Variants in KIF26B observed in about 807,000 individuals in gnomAD.
KIF26B encodes the protein kinesin-like protein KIF26B.
A neutral mutation model predicts 151.2 loss-of-function variants in KIF26B; 63 were observed. That is an observed-to-expected ratio of 0.42 (90% CI 0.34 to 0.51). KIF26B has a LOEUF of 0.51. Ranked by LOEUF, KIF26B falls within the 20% of genes least tolerant of loss-of-function variation. The pLI is 0.07. For missense variants in KIF26B, 2,813 were observed against 2,913.6 expected, an observed-to-expected ratio of 0.97 and a Z score of 0.79; for synonymous variants, 1,357 against 1,262.1, an observed-to-expected ratio of 1.08 and a Z score of -1.59.
chr1:245,248,647 G>A (rs1214189095), intron 2 of KIF26B, among the ~76,000 whole-genome samples: 19 of 152,180 alleles, frequency 1.2e-4, no homozygotes, highest in Admixed American at 8.5e-4. Flanking sequence ...ACACTTTGTC[G>A]CTTTTATGGT....
chr1:245,440,360 A>G (rs935861857), intron 4 of KIF26B, among the ~76,000 whole-genome samples: 2 of 152,202 alleles, frequency 1.3e-5, no homozygotes, highest in African/African-American at 4.8e-5. Context: ...CTAGGGTGCA[A>G]TCTGAGTAGC....
intron 12 of KIF26B, among the ~76,000 whole-genome samples, chr1:245,694,305 G>T (rs960512568): frequency 2.0e-5 from 3 of 152,230 alleles, no homozygotes; most frequent in African/African-American, 7.2e-5. Flanking sequence ...TCTCTGCTCT[G>T]ATATCTACAG....
At chr1:245,429,371 C>A (rs1318599166) in intron 4 of KIF26B, among the ~76,000 whole-genome samples, 2 of 152,120 alleles carry the variant, frequency 1.3e-5, no homozygotes. Flanking sequence ...ACTGTCCAGG[C>A]CTTCTGTGGC....
intron 2 of KIF26B, among the ~76,000 whole-genome samples, chr1:245,365,519 C>G (rs573063494): frequency 7.4e-5 from 11 of 149,052 alleles, no homozygotes; most frequent in South Asian, 2.1e-4. Flanking sequence ...CAACTCCCCC[C>G]CACCAGCCTA....
At chr1:245,624,368 G>C (rs1223748553) in intron 9 of KIF26B, among the ~76,000 whole-genome samples, 1 of 151,956 alleles carries the variant, frequency 6.6e-6, no homozygotes, top group Non-Finnish European at 1.5e-5. Context: ...GTTTCCCAAA[G>C]TGCTTGTACT....
chr1:245,356,466 A>C lies in KIF26B; in HGVS notation c.466-10368A>C, dbSNP rs1260472498. On this transcript the variant is annotated intron_variant, in intron 2 of 14. Transcript: ENST00000407071. ...AAGGTACTGGGGAGGCTGAGGCAGG[A>C]GAATTGCTTGAACCTAGGAGGCAGA... is the stretch of plus-strand genomic sequence containing the variant. Among the ~76,000 whole-genome samples, 7 of 152,202 alleles carry C rather than the reference A, an allele frequency of 4.6e-5. No individual in the cohort carries two copies. The South Asian group carries it at 1.2e-3, about 27-fold the overall frequency.
chr1:245,312,635 G>A (rs1671684757), intron 2 of KIF26B, among the ~76,000 whole-genome samples: 1 of 152,086 alleles, frequency 6.6e-6, no homozygotes, highest in South Asian at 2.1e-4. Flanking sequence ...GGGGTGGGCG[G>A]TAGCAAGTGT....
rs1188355762 is a variant in KIF26B, at chr1:245,156,494, C to T, written c.276C>T (p.Ile92=). ...CCCCGGGACCCGCCTCCCCCGGCAT[C>T]GGCACTAGTTCGCCGGGCTCCTTGG... ...TGSPGPASPG[I]GTSSPGSLGG... Residue 92 remains isoleucine, a synonymous_variant, in exon 2 of 15, where the codon ATC becomes ATT. Transcript: ENST00000407071. The T allele has an allele frequency of 2.0e-6, 3 of 1,526,266 alleles. No individual in the cohort carries two copies. The African/African-American group carries it at 4.2e-5, about 21-fold the overall frequency. The allele number at this position is 1,526,266 out of a possible 1,614,324, so 94.5% of individuals were successfully genotyped here.
chr1:245,517,572 G>C (rs1660996971), intron 4 of KIF26B, among the ~76,000 whole-genome samples: 2 of 152,134 alleles, frequency 1.3e-5, no homozygotes, highest in South Asian at 4.1e-4. Flanking sequence ...CATTTATTGA[G>C]CGCTTGATGT....
At chr1:245,385,589 C>T (rs1673523957) in intron 3 of KIF26B, among the ~76,000 whole-genome samples, 1 of 152,174 alleles carries the variant, frequency 6.6e-6, no homozygotes, top group South Asian at 2.1e-4. Context: ...AGGAGCAAAC[C>T]TGGGGCGGCG....
At chr1:245,284,063 A>G (rs1671119364) in intron 2 of KIF26B, among the ~76,000 whole-genome samples, 1 of 152,184 alleles carries the variant, frequency 6.6e-6, no homozygotes, top group African/African-American at 2.4e-5. Context: ...TCTCTAGCCC[A>G]TCAGAGGCAA....
chr1:245,188,685 C>T (rs1669043922), intron 2 of KIF26B, among the ~76,000 whole-genome samples: 1 of 152,172 alleles, frequency 6.6e-6, no homozygotes, highest in South Asian at 2.1e-4. Flanking sequence ...CAAGGAATTA[C>T]ATATGATTCA....
At chr1:245,452,162 C>G (rs1659410844) in intron 4 of KIF26B, among the ~76,000 whole-genome samples, 1 of 152,164 alleles carries the variant, frequency 6.6e-6, no homozygotes, top group African/African-American at 2.4e-5. Context: ...TTTGCCTACT[C>G]ATAAAAGTGG....
chr1:245,609,483 G>GT lies in KIF26B; in HGVS notation c.1870dup (p.Ser624PhefsTer8). On this transcript the variant is annotated frameshift_variant, in exon 8 of 15. Coordinates refer to ENST00000407071, the MANE Select transcript of KIF26B (RefSeq NM_018012.4). LOFTEE classifies it high-confidence loss of function. ...CCACGGGCAGCCTGCAGGACGGCCA[G>GT]TCCCCGGGCGTGTACCTCTGTGAGG... The GT allele has an allele frequency of 6.3e-7, 1 of 1,597,652 alleles. No individual in the cohort carries two copies. The highest frequency in any genetic ancestry group is 8.5e-7 in the Non-Finnish European group (1 of 1,171,678).
chr1:245,263,445 A>G (rs934490004), intron 2 of KIF26B, among the ~76,000 whole-genome samples: 1 of 152,200 alleles, frequency 6.6e-6, no homozygotes. Context: ...CGGTTGATGC[A>G]TTGACACGCT....
intron 2 of KIF26B, among the ~76,000 whole-genome samples, chr1:245,175,269 A>G (rs1325747484): frequency 6.6e-6 from 1 of 152,122 alleles, no homozygotes; most frequent in African/African-American, 2.4e-5. Context: ...ACTCTAGTGC[A>G]TTTCAGTAGA....
rs1320589019 is a variant in KIF26B, at chr1:245,688,402, C to A, written c.5419C>A (p.Arg1807Ser). 2 of 1,510,842 alleles carry A rather than the reference C, an allele frequency of 1.3e-6. No homozygotes were observed. The highest frequency in any genetic ancestry group is 1.8e-6 in the Non-Finnish European group (2 of 1,136,432). 93.6% of individuals were successfully genotyped at this position (1,510,842 alleles called of 1,614,324 possible). Residue 1807 changes from arginine to serine, a missense_variant, in exon 12 of 15, where the codon CGC becomes AGC. Transcript: ENST00000407071. ...SKLPLRAVSGRISELLQGGAG... is the reference protein window; with the variant it reads ...SKLPLRAVSGSISELLQGGAG... ...GCTTCCCCTGCGGGCCGTCAGCGGG[C>A]GCATCTCGGAGCTGCTGCAGGGTGG...
chr1:245,633,853 C>A (rs1051950197), intron 9 of KIF26B, among the ~76,000 whole-genome samples: 7 of 152,060 alleles, frequency 4.6e-5, no homozygotes, highest in African/African-American at 1.4e-4. Flanking sequence ...CAGAGTGACA[C>A]CCAGGCTGGA....
At chr1:245,385,272 T>A (rs1364990581) in intron 3 of KIF26B, among the ~76,000 whole-genome samples, 1 of 152,234 alleles carries the variant, frequency 6.6e-6, no homozygotes, top group African/African-American at 2.4e-5. Context: ...AGAAATTAAT[T>A]AGCTCCTAAC....
Sources: gnomAD v4.1 joint callset for allele counts (sites outside exome capture counted in the v4.1 genomes callset) on GRCh38, gnomAD v4.1.1 for gene constraint, MANE v1.5 for transcripts, NCBI Gene and HGNC (gene_info 2026-07-23, HGNC 2026-07-21) for gene names.